MINK1: variants seen among roughly 807,000 people sequenced by gnomAD.
The protein encoded by MINK1 is misshapen like kinase 1, also known as misshapen-like kinase 1.
In MINK1, 46 loss-of-function variants were observed where a neutral mutation model predicts 178.4. The ratio of observed to expected loss-of-function variants is 0.26; its 90% CI spans 0.20 to 0.33. The LOEUF (loss-of-function observed/expected upper bound fraction) is 0.33, where lower values mean the gene tolerates loss of function less well. Ranked by LOEUF, MINK1 falls within the 10% of genes least tolerant of loss-of-function variation. The pLI is 1.00. For synonymous variants in MINK1, 797 were observed against 709.7 expected, an observed-to-expected ratio of 1.12 and a Z score of -1.96; for missense variants, 1,366 against 1,814.9, an observed-to-expected ratio of 0.75 and a Z score of 4.49.
At chr17:4,893,712 T>G in intron 21 of MINK1, 115 bp downstream of exon 21, 5 of 1,370,230 alleles carry the variant, frequency 3.6e-6, no homozygotes, top group Non-Finnish European at 4.8e-6. Flanking sequence ...CTCCCTTCTC[T>G]AGAGAGTGGG....
In MINK1 at chr17:4,894,615, G is replaced by T; in HGVS notation, c.2899G>T (p.Asp967Tyr). 1 of 1,605,630 alleles carries T rather than the reference G, an allele frequency of 6.2e-7. No homozygotes were observed. Among genetic ancestry groups the T allele is most frequent in the South Asian group, 1.1e-5 (1 of 89,414 alleles). Residue 967 changes from aspartate to tyrosine, a missense_variant, in exon 24 of 32, where the codon GAC becomes TAC. Asp to Tyr is a radical substitution (Grantham distance 160). Around this residue, in one of 14 missense-constraint regions of MINK1, gnomAD observed 709 missense variants for 692.3 expected, o/e 1.02. Transcript: ENST00000355280. This position sits in a 1 kb window ranked among gnomAD's most constrained non-coding sequence, Gnocchi z 4.1. ...LGIYQPGGSG[D>Y]SIPITALVGG... ...GATCTACCAGCCTGGAGGCAGTGGG[G>T]ACAGCATCCCCATCACAGGTGAGGA...
chr17:4,891,710 A>C lies in MINK1; in HGVS notation c.1995A>C (p.Pro665=), dbSNP rs973617661. ...GGGTCCGCCCAGATAACGAGGCCCCACCCAAGGTAAGGACAGTTCTGCAGG... is the reference window on the plus strand; with the variant it reads ...GGGTCCGCCCAGATAACGAGGCCCCCCCCAAGGTAAGGACAGTTCTGCAGG... ...PAWVRPDNEA[P]PKVPQRTSSI... The change falls in exon 16 of 32, where the codon CCA becomes CCC. Residue 665 remains proline, a synonymous_variant. Coordinates refer to ENST00000355280, the MANE Select transcript of MINK1 (RefSeq NM_153827.5). The C allele has an allele frequency of 8.7e-6, 14 of 1,601,794 alleles. No homozygotes were observed. In the African/African-American group the frequency reaches 1.9e-4, roughly 21 times the overall value.
At chr17:4,875,771 C>A (rs1967125378) in intron 1 of MINK1, among the ~76,000 whole-genome samples, 1 of 149,984 alleles carries the variant, frequency 6.7e-6, no homozygotes, top group African/African-American at 2.4e-5. Flanking sequence ...AATTCCATTT[C>A]AAAAAAAATG....
Position 4,886,245 on chromosome 17 carries a change from A to G in MINK1, c.773+47A>G, listed in dbSNP as rs756837326. 20 of 1,593,536 alleles carry G rather than the reference A, an allele frequency of 1.3e-5. No individual in the cohort carries two copies. The highest frequency in any genetic ancestry group is 1.7e-4 in the Middle Eastern group (1 of 6,052). The stretch of plus-strand genomic sequence containing the variant: ...CTCTGGGAAGGAAGGTCCCTGGACA[A>G]GGCCATCCCCACCTTCATGCCCTCT... On this transcript the variant is annotated intron_variant, in intron 9 of 31. Coordinates refer to ENST00000355280, the MANE Select transcript of MINK1 (RefSeq NM_153827.5). This position sits in a 1 kb window ranked among gnomAD's most constrained non-coding sequence, Gnocchi z 6.1.
Position 4,894,830 on chromosome 17 carries a change from C to CA in MINK1, c.2917+198dup, listed in dbSNP as rs1317947637. ...CCTGTCCCACAGGACAGGAAATGCT[C>CA]AGAGTTGCCAGGGGACCTGGGCAAA... On this transcript the variant is annotated intron_variant, in intron 24 of 31. Coordinates refer to ENST00000355280, the MANE Select transcript of MINK1 (RefSeq NM_153827.5). This position sits in a 1 kb window ranked among gnomAD's most constrained non-coding sequence, Gnocchi z 4.1. 10 of 635,914 alleles carry CA rather than the reference C, an allele frequency of 1.6e-5. No homozygotes were observed. The highest frequency in any genetic ancestry group is 2.4e-5 in the Non-Finnish European group (9 of 368,804). 39.4% of individuals were successfully genotyped at this position (635,914 alleles called of 1,614,324 possible). A position where few individuals can be genotyped will look rare whatever the true frequency, so the allele number is the denominator to read the frequency against.
intron 1 of MINK1, among the ~76,000 whole-genome samples, chr17:4,859,972 G>A (rs779589085): frequency 4.0e-5 from 6 of 151,634 alleles, no homozygotes; most frequent in Admixed American, 2.0e-4. Context: ...GGCGCGTCCG[G>A]GAACTACTTG....
At position 4,896,362 on chromosome 17, in the gene MINK1, TGG is replaced by T; in HGVS notation, c.3615+24_3615+25del. 1 of 1,602,734 alleles carries T rather than the reference TGG, an allele frequency of 6.2e-7. No individual in the cohort carries two copies. The highest frequency in any genetic ancestry group is 1.1e-5 in the South Asian group (1 of 89,234). ...GTGCACGTGAGCTTGGCGGGGCTGC[TGG>T]GGGAGTGGGATGGCCCAGTCTGGGC... is the stretch of plus-strand genomic sequence containing the variant. On this transcript the variant is annotated intron_variant, in intron 29 of 31. Transcript: ENST00000355280. The surrounding 1 kb of genome is among the most constrained non-coding windows in gnomAD (Gnocchi z 4.6).
In MINK1 at chr17:4,893,502, C is replaced by T; in HGVS notation, c.2469C>T (p.Tyr823=). ...GGCCTCCCAAGAAGGCCATGGACTA[C>T]TCGTCGTCCAGCGAGGAGGTGGAAA... is the stretch of plus-strand genomic sequence containing the variant. ...APRPPKKAMD[Y]SSSSEEVESS... is the part of the protein sequence containing the mutation. Residue 823 remains tyrosine (Y), a synonymous_variant, in exon 21 of 32, where the codon TAC becomes TAT. Coordinates refer to ENST00000355280, the MANE Select transcript of MINK1 (RefSeq NM_153827.5). 1 of 1,599,846 alleles carries T rather than the reference C, an allele frequency of 6.3e-7. No individual in the cohort carries two copies.
intron 1 of MINK1, among the ~76,000 whole-genome samples, chr17:4,862,544 A>G (rs558771490): frequency 6.6e-6 from 1 of 152,038 alleles, no homozygotes; most frequent in Non-Finnish European, 1.5e-5. Context: ...AATCCTAGCT[A>G]CTGGGAGGCT....
Position 4,885,488 on chromosome 17 carries a change from T to C in MINK1, c.514T>C (p.Phe172Leu). ...CTCCCTCTGTGTCTTCACAGTGGAT[T>C]TTGGGGTGAGTGCTCAGCTGGACCG... ...TENAEVKLVD[F>L]GVSAQLDRTV... Residue 172 changes from phenylalanine to leucine, a missense_variant, in exon 7 of 32, where the codon TTT becomes CTT. By Grantham distance (22) the Phe-to-Leu change is conservative. Around this residue, in one of 14 missense-constraint regions of MINK1, gnomAD observed 109 missense variants for 369.4 expected, o/e 0.30. Transcript: ENST00000355280. The surrounding 1 kb of genome is among the most constrained non-coding windows in gnomAD (Gnocchi z 5.0). 2 of 1,613,556 alleles carry C rather than the reference T, an allele frequency of 1.2e-6. No homozygotes were observed. The highest frequency in any genetic ancestry group is 1.7e-6 in the Non-Finnish European group (2 of 1,179,748).
rs1969185630 is a variant in MINK1 at position 4,894,230 on chromosome 17, G to A, written c.2727G>A (p.Leu909=). ...CTGACAGCAATGGGTACACAAACCT[G>A]CCTGACGTGGTCCAGCCCAGCCACT... ...LHADSNGYTN[L]PDVVQPSHSP... Residue 909 remains leucine (L), a synonymous_variant, in exon 23 of 32, where the codon CTG becomes CTA. Coordinates refer to ENST00000355280, the MANE Select transcript of MINK1 (RefSeq NM_153827.5). This position sits in a 1 kb window ranked among gnomAD's most constrained non-coding sequence, Gnocchi z 4.1. The A allele has an allele frequency of 2.5e-6, 4 of 1,613,272 alleles. No individual in the cohort carries two copies. Among genetic ancestry groups the A allele is most frequent in the Admixed American group, 1.7e-5 (1 of 59,990 alleles).
chr17:4,847,230 G>GTTCATTCA (rs59076401), intron 1 of MINK1: 4,610 of 460,986 alleles, frequency 0.01, 82 homozygotes, highest in South Asian at 0.032. Flanking sequence ...TTTGGTTCCA[G>GTTCATTCA]TTCATTCATT....
chr17:4,886,662 GAC>G lies in MINK1; in HGVS notation c.949+39_949+40del. The G allele has an allele frequency of 6.5e-7, 1 of 1,531,844 alleles. No homozygotes were observed. Among genetic ancestry groups the G allele is most frequent in the South Asian group, 1.3e-5 (1 of 78,560 alleles). The allele number at this position is 1,531,844 out of a possible 1,614,324, so 94.9% of individuals were successfully genotyped here. On this transcript the variant is annotated intron_variant, in intron 10 of 31. Transcript: ENST00000355280. This position sits in a 1 kb window ranked among gnomAD's most constrained non-coding sequence, Gnocchi z 6.1. ...AGGCTGGAGGGGGCAGGTACTAGGGGACACTCCAGCCTGGCTCCTCTCTGCCA... is the reference window on the plus strand; with the variant it reads ...AGGCTGGAGGGGGCAGGTACTAGGGGACTCCAGCCTGGCTCCTCTCTGCCA...
intron 1 of MINK1, among the ~76,000 whole-genome samples, chr17:4,866,833 G>A (rs1472371510): frequency 6.6e-6 from 1 of 151,832 alleles, no homozygotes; most frequent in African/African-American, 2.4e-5. Context: ...CAGCACTTCG[G>A]GAGGCCGAGG....
At chr17:4,862,995 A>G (rs538333565) in intron 1 of MINK1, among the ~76,000 whole-genome samples, 2 of 152,296 alleles carry the variant, frequency 1.3e-5, no homozygotes, top group African/African-American at 4.8e-5. Flanking sequence ...CAATTGCACC[A>G]CTGCACTCCA....
At chr17:4,839,218 C>T (rs753186292) in intron 1 of MINK1, among the ~76,000 whole-genome samples, 3 of 152,186 alleles carry the variant, frequency 2.0e-5, no homozygotes, top group South Asian at 2.1e-4. Context: ...GCTGGGATTA[C>T]AGGCGCGAGC....
chr17:4,847,576 CCT>C (rs1911237852), intron 1 of MINK1, among the ~76,000 whole-genome samples: 1 of 152,144 alleles, frequency 6.6e-6, no homozygotes, highest in Non-Finnish European at 1.5e-5. Context: ...GAGCCAGCCC[CCT>C]GTCATAGAGG....
chr17:4,866,964 T>C (rs1364713217), intron 1 of MINK1, among the ~76,000 whole-genome samples: 1 of 150,284 alleles, frequency 6.7e-6, no homozygotes, highest in African/African-American at 2.5e-5. Context: ...TCCCAGCTGC[T>C]CCGGAGGCTG....
chr17:4,834,303 G>T (rs1435868364), intron 1 of MINK1, among the ~76,000 whole-genome samples: 2 of 152,144 alleles, frequency 1.3e-5, no homozygotes, highest in African/African-American at 2.4e-5. Flanking sequence ...CTGCAGCAGC[G>T]TGGGGCTGGG....
Sources: allele counts gnomAD v4.1 joint callset (sites outside exome capture counted in the v4.1 genomes callset), GRCh38; gene constraint gnomAD v4.1.1; regional missense constraint gnomAD v4.1.1; non-coding constraint Gnocchi (gnomAD v3.1); transcripts MANE v1.5; gene names NCBI Gene and HGNC (gene_info 2026-07-23, HGNC 2026-07-21).